Variants in FAM13A observed in about 807,000 individuals in gnomAD.
FAM13A encodes protein FAM13A.
FAM13A carries 76 observed loss-of-function variants against 129.6 expected under a neutral mutation model. The observed-to-expected ratio is 0.59, with a 90% confidence interval of 0.49 to 0.71. FAM13A has a LOEUF of 0.71. FAM13A is among the 30% of genes least tolerant of loss of function. The pLI is 0.00. For synonymous variants in FAM13A, 443 were observed against 449.9 expected, an observed-to-expected ratio of 0.98 and a Z score of 0.20; for missense variants, 1,108 against 1,249.3, an observed-to-expected ratio of 0.89 and a Z score of 1.70.
chr4:88,961,496 C>T (rs1338068887), intron 4 of FAM13A, among the ~76,000 whole-genome samples: 1 of 151,322 alleles, frequency 6.6e-6, no homozygotes, highest in African/African-American at 2.4e-5. Context: ...GCCTCCCAAG[C>T]AGCTAGGACT....
chr4:88,964,112 A>G lies in FAM13A; in HGVS notation c.606-25871T>C, dbSNP rs540218049. On this transcript the variant is annotated intron_variant, in intron 4 of 23. Coordinates refer to ENST00000264344, the MANE Select transcript of FAM13A (RefSeq NM_014883.4). ...GCAATCTGCCTAGTTAGATTAGGCA[A>G]TAGGATGTAGTCACAGAGTGGATCT... Among the ~76,000 whole-genome samples, 19 of 152,348 alleles carry G rather than the reference A, an allele frequency of 1.2e-4. No homozygotes were observed. In the East Asian group the frequency reaches 3.3e-3, roughly 26 times the overall value.
intron 7 of FAM13A, among the ~76,000 whole-genome samples, chr4:88,806,492 A>G (rs1728586883): frequency 6.6e-6 from 1 of 152,210 alleles, no homozygotes; most frequent in South Asian, 2.1e-4. Context: ...AACACACACA[A>G]GCAAACAAAA....
At chr4:88,748,904 T>C in intron 17 of FAM13A, 48 bp downstream of exon 17, 1 of 1,321,824 alleles carries the variant, frequency 7.6e-7, no homozygotes, top group Non-Finnish European at 1.1e-6. Flanking sequence ...TGAGAGATTC[T>C]GCACCTGGCT....
At chr4:88,901,828 A>G (rs1018621304) in intron 6 of FAM13A, among the ~76,000 whole-genome samples, 8 of 152,090 alleles carry the variant, frequency 5.3e-5, no homozygotes, top group Admixed American at 1.3e-4. Flanking sequence ...GCTTTTTTGA[A>G]AAAATTAGTT....
intron 7 of FAM13A, among the ~76,000 whole-genome samples, chr4:88,838,458 C>G (rs1178812140): frequency 6.6e-6 from 1 of 152,152 alleles, no homozygotes; most frequent in Non-Finnish European, 1.5e-5. Flanking sequence ...CACATTTTGG[C>G]CGGGCACGGT....
In FAM13A at chr4:88,749,356, A is replaced by G. The variant is rs566875844; in HGVS notation, c.2080-323T>C. 5.3e-5 allele frequency among the ~76,000 whole-genome samples: 8 copies of G among 152,316 alleles called. No individual in the cohort carries two copies. The South Asian group carries it at 1.7e-3, about 32-fold the overall frequency. The stretch of plus-strand genomic sequence containing the variant: ...AACAGTGTAGAAAACAGAGGGGTAT[A>G]TGATGTTTTGCTCAGCAACCGTCAC... On this transcript the variant is annotated intron_variant, in intron 16 of 23. Transcript: ENST00000264344.
At chr4:88,735,909 G>A (rs1933725617) in intron 21 of FAM13A, among the ~76,000 whole-genome samples, 1 of 152,110 alleles carries the variant, frequency 6.6e-6, no homozygotes, top group African/African-American at 2.4e-5. Flanking sequence ...TTATAAAAAA[G>A]AGCATCATTA....
chr4:89,046,115 AACAG>A (rs568814995), intron 1 of FAM13A, among the ~76,000 whole-genome samples: 247 of 152,250 alleles, frequency 1.6e-3, no homozygotes, highest in Non-Finnish European at 2.7e-3. Flanking sequence ...CTACAATTTG[AACAG>A]ACAAAGGCTA....
chr4:88,910,838 C>T lies in FAM13A; in HGVS notation c.760-4376G>A, dbSNP rs1259494572. Among the ~76,000 whole-genome samples, 5 of 151,942 alleles carry T rather than the reference C, an allele frequency of 3.3e-5. No individual in the cohort carries two copies. The East Asian group carries it at 7.8e-4, about 24-fold the overall frequency. The stretch of plus-strand genomic sequence containing the variant: ...CTAATTTCTGTATTTTTAGTAGAGA[C>T]GGGGTTTCACCACGTTGGCCAGGAT... On this transcript the variant is annotated intron_variant, in intron 5 of 23. Transcript: ENST00000264344.
intron 4 of FAM13A, among the ~76,000 whole-genome samples, chr4:88,982,995 A>G (rs1047013704): frequency 1.3e-5 from 2 of 152,128 alleles, no homozygotes; most frequent in Non-Finnish European, 2.9e-5. Flanking sequence ...AAGGAGACTA[A>G]ACCCTTTGAC....
At chr4:88,783,166 A>T (rs920731001) in intron 10 of FAM13A, among the ~76,000 whole-genome samples, 21 of 152,088 alleles carry the variant, frequency 1.4e-4, no homozygotes, top group Non-Finnish European at 1.6e-4. Flanking sequence ...TTTAATGTAT[A>T]ATTAATTTAT....
At chr4:88,965,759 C>T (rs1759269541) in intron 4 of FAM13A, among the ~76,000 whole-genome samples, 1 of 152,164 alleles carries the variant, frequency 6.6e-6, no homozygotes, top group Non-Finnish European at 1.5e-5. Flanking sequence ...ACCATTCTAC[C>T]GTTTCTGTGA....
In FAM13A at chr4:89,034,222, C is replaced by T. The variant is rs371933891; in HGVS notation, c.28-4573G>A. ...ATATCTAGAATCTATAAGGAACTTA[C>T]ACCAGTCAACAAGAATAAAATAAAT... On this transcript the variant is annotated intron_variant, in intron 1 of 23. Transcript: ENST00000264344. 7.2e-5 allele frequency among the ~76,000 whole-genome samples: 11 copies of T among 152,156 alleles called. No homozygotes were observed. In the East Asian group the frequency reaches 1.7e-3, roughly 24 times the overall value.
chr4:88,881,537 A>G (rs1743569594), intron 6 of FAM13A, among the ~76,000 whole-genome samples: 1 of 152,190 alleles, frequency 6.6e-6, no homozygotes, highest in Non-Finnish European at 1.5e-5. Context: ...AGGAAACAGA[A>G]AAACAATTCT....
intron 7 of FAM13A, among the ~76,000 whole-genome samples, chr4:88,820,118 G>C (rs3822072): frequency 2.0e-5 from 3 of 151,932 alleles, no homozygotes; most frequent in Non-Finnish European, 4.4e-5. Flanking sequence ...CAGTAACAAC[G>C]TATCTTCTAT....
chr4:88,767,200 C>T (rs1317849206), intron 13 of FAM13A, among the ~76,000 whole-genome samples: 1 of 152,266 alleles, frequency 6.6e-6, no homozygotes, highest in East Asian at 1.9e-4. Context: ...ATCCTTGTGA[C>T]TAAGACTCAC....
chr4:89,034,921 T>G (rs955406733), intron 1 of FAM13A, among the ~76,000 whole-genome samples: 2 of 152,138 alleles, frequency 1.3e-5, no homozygotes, highest in Non-Finnish European at 2.9e-5. Flanking sequence ...AAAAGATATA[T>G]GTGCTCATAT....
At chr4:88,780,820 T>A (rs1353788362) in intron 11 of FAM13A, among the ~76,000 whole-genome samples, 1 of 151,836 alleles carries the variant, frequency 6.6e-6, no homozygotes, top group Non-Finnish European at 1.5e-5. Flanking sequence ...ATAAAACATA[T>A]TCACTCAGAC....
chr4:88,759,039 G>T, intron 13 of FAM13A, 138 bp from the exon 14 acceptor site: 2 of 865,074 alleles, frequency 2.3e-6, no homozygotes, highest in Non-Finnish European at 3.5e-6. Flanking sequence ...AAAAATCATG[G>T]CTTGATGCCC....
Sources: allele counts gnomAD v4.1 joint callset (sites outside exome capture counted in the v4.1 genomes callset), GRCh38; gene constraint gnomAD v4.1.1; transcripts MANE v1.5; gene names NCBI Gene and HGNC (gene_info 2026-07-23, HGNC 2026-07-21).